The following ADAMTSL1 variants were observed in gnomAD, a reference collection of about 807,000 sequenced individuals.
ADAMTSL1 encodes ADAMTS like 1, also known as ADAMTS-like protein 1.
ADAMTSL1 carries 126 observed loss-of-function variants against 201.8 expected under a neutral mutation model. That is an observed-to-expected ratio of 0.62 (90% CI 0.54 to 0.72). The LOEUF is 0.72. Ranked by LOEUF, ADAMTSL1 falls within the 30% of genes least tolerant of loss-of-function variation. ADAMTSL1 has a pLI of 0.00. For synonymous variants in ADAMTSL1, 1,121 were observed against 903.4 expected, an observed-to-expected ratio of 1.24 and a Z score of -4.32; for missense variants, 2,679 against 2,277.8, an observed-to-expected ratio of 1.18 and a Z score of -3.59.
intron 1 of ADAMTSL1, among the ~76,000 whole-genome samples, chr9:18,493,970 C>T (rs1159242594): frequency 1.3e-5 from 2 of 152,160 alleles, no homozygotes; most frequent in Non-Finnish European, 2.9e-5. Context: ...GCACACAGTC[C>T]ACTTCTGGGG....
intron 1 of ADAMTSL1, among the ~76,000 whole-genome samples, chr9:18,078,095 A>C (rs181334495): frequency 6.6e-6 from 1 of 152,238 alleles, no homozygotes; most frequent in Non-Finnish European, 1.5e-5. Context: ...TGCTACACAG[A>C]TAAAAGTAGT....
chr9:18,085,084 T>C (rs1042273029), intron 1 of ADAMTSL1, among the ~76,000 whole-genome samples: 2 of 152,026 alleles, frequency 1.3e-5, no homozygotes, highest in African/African-American at 4.8e-5. Flanking sequence ...GCTAGTGTGT[T>C]TAATAGAGAG....
chr9:18,680,397 A>G lies in ADAMTSL1; in HGVS notation c.1222A>G (p.Ile408Val). 2 of 1,614,152 alleles carry G rather than the reference A, an allele frequency of 1.2e-6. No individual in the cohort carries two copies. Among genetic ancestry groups the G allele is most frequent in the Non-Finnish European group, 1.7e-6 (2 of 1,180,022 alleles). Residue 408 changes from isoleucine (I) to valine (V), a missense_variant, in exon 11 of 29, where the codon ATC becomes GTC. Coordinates refer to ENST00000380548, the MANE Select transcript of ADAMTSL1 (RefSeq NM_001040272.6). ...SRAVSCVEED[I>V]QGHVTSVEEW... ...GGCAGTTTCCTGTGTGGAGGAGGAC[A>G]TCCAGGGGCATGTCACTTCAGTGGA...
chr9:18,242,328 C>G (rs1432679706), intron 2 of ADAMTSL1, among the ~76,000 whole-genome samples: 1 of 152,048 alleles, frequency 6.6e-6, no homozygotes, highest in Non-Finnish European at 1.5e-5. Flanking sequence ...TTAATAAAAA[C>G]TCTTAACATT....
chr9:18,655,544 A>T (rs1374279763), intron 7 of ADAMTSL1, among the ~76,000 whole-genome samples: 1 of 152,138 alleles, frequency 6.6e-6, no homozygotes, highest in African/African-American at 2.4e-5. Flanking sequence ...TATCCTCCTC[A>T]CATTGGCTGT....
intron 4 of ADAMTSL1, among the ~76,000 whole-genome samples, chr9:18,610,777 C>T (rs1409092413): frequency 2.0e-5 from 3 of 152,062 alleles, no homozygotes; most frequent in Non-Finnish European, 4.4e-5. Flanking sequence ...TTTCCTTTTC[C>T]ATCCTCTCTA....
At chr9:18,164,825 G>A (rs1827562600) in intron 2 of ADAMTSL1, among the ~76,000 whole-genome samples, 1 of 151,972 alleles carries the variant, frequency 6.6e-6, no homozygotes, top group Middle Eastern at 3.4e-3. Flanking sequence ...TCTCAAGAGT[G>A]TATCTTTTGC....
chr9:18,556,872 T>C (rs10963631), intron 3 of ADAMTSL1, among the ~76,000 whole-genome samples: 6,458 of 152,184 alleles, frequency 0.042, 181 homozygotes, highest in Middle Eastern at 0.065. Context: ...GCATGGCCTT[T>C]AACCTTCAGT....
chr9:18,382,704 G>A (rs1837608187), intron 2 of ADAMTSL1, among the ~76,000 whole-genome samples: 1 of 152,076 alleles, frequency 6.6e-6, no homozygotes, highest in South Asian at 2.1e-4. Flanking sequence ...ATATGTGTGA[G>A]ACTGCATTAT....
chr9:18,297,995 A>G (rs1833541677), intron 2 of ADAMTSL1, among the ~76,000 whole-genome samples: 1 of 152,206 alleles, frequency 6.6e-6, no homozygotes, highest in Non-Finnish European at 1.5e-5. Flanking sequence ...ACATGAGATG[A>G]TAAAGTAGCA....
rs1343093308 is a variant in ADAMTSL1 at position 18,649,817 on chromosome 9, T to C, written c.835-7822T>C. On this transcript the variant is annotated intron_variant, in intron 7 of 28. Coordinates refer to ENST00000380548, the MANE Select transcript of ADAMTSL1 (RefSeq NM_001040272.6). The stretch of plus-strand genomic sequence containing the variant: ...GCCCCTACTGGGGGGTGCCTCCCAG[T>C]TAGGCTTCTTGGGGGTCAGGGGTCA... Among the ~76,000 whole-genome samples the C allele has an allele frequency of 2.0e-5, 3 of 152,134 alleles. No homozygotes were observed. In the East Asian group the frequency reaches 5.8e-4, roughly 29 times the overall value.
intron 1 of ADAMTSL1, among the ~76,000 whole-genome samples, chr9:18,002,029 G>A (rs1030507184): frequency 1.3e-5 from 2 of 151,956 alleles, no homozygotes; most frequent in Non-Finnish European, 2.9e-5. Context: ...GGACTGTGGA[G>A]GGAGGGCTGT....
chr9:18,109,896 T>G (rs1411053007), intron 1 of ADAMTSL1, among the ~76,000 whole-genome samples: 1 of 152,184 alleles, frequency 6.6e-6, no homozygotes, highest in Non-Finnish European at 1.5e-5. Context: ...AGTGACAGAC[T>G]GATACCATAT....
intron 2 of ADAMTSL1, among the ~76,000 whole-genome samples, chr9:18,229,770 A>G (rs1298183790): frequency 2.6e-5 from 4 of 151,132 alleles, no homozygotes; most frequent in Non-Finnish European, 5.9e-5. Flanking sequence ...ATCTTGGCTC[A>G]CTGCAACCTC....
intron 2 of ADAMTSL1, among the ~76,000 whole-genome samples, chr9:18,320,754 A>G (rs1243661063): frequency 6.6e-6 from 1 of 152,184 alleles, no homozygotes; most frequent in Non-Finnish European, 1.5e-5. Flanking sequence ...AAGTACCTCT[A>G]TTTCCTGTGA....
At chr9:18,261,648 C>G (rs1831928876) in intron 2 of ADAMTSL1, among the ~76,000 whole-genome samples, 2 of 152,148 alleles carry the variant, frequency 1.3e-5, no homozygotes, top group African/African-American at 4.8e-5. Context: ...TGCTATAGAC[C>G]AAAGTCTGTC....
At chr9:18,036,558 C>A (rs1051396423) in intron 1 of ADAMTSL1, among the ~76,000 whole-genome samples, 12 of 152,134 alleles carry the variant, frequency 7.9e-5, no homozygotes, top group Non-Finnish European at 7.3e-5. Context: ...TTAGCTAATA[C>A]CTTGTTGTTT....
chr9:18,410,846 C>CTTT (rs1554674422), intron 2 of ADAMTSL1, among the ~76,000 whole-genome samples: 1 of 47,306 alleles, frequency 2.1e-5, no homozygotes, highest in African/African-American at 6.5e-5. Context: ...TCTTCTTCTT[C>CTTT]TTTTTTTTTT....
intron 1 of ADAMTSL1, among the ~76,000 whole-genome samples, chr9:17,971,659 G>C (rs1818210423): frequency 1.3e-5 from 2 of 151,878 alleles, no homozygotes; most frequent in Admixed American, 1.3e-4. Context: ...AAGTAGCTTT[G>C]CAAATTTAAC....
Sources: gnomAD v4.1 joint callset for allele counts (sites outside exome capture counted in the v4.1 genomes callset) on GRCh38, gnomAD v4.1.1 for gene constraint, MANE v1.5 for transcripts, NCBI Gene and HGNC (gene_info 2026-07-23, HGNC 2026-07-21) for gene names.